PRKCA: variants seen among roughly 807,000 people sequenced by gnomAD.
The protein encoded by PRKCA is protein kinase C alpha, also known as protein kinase C alpha type.
PRKCA carries 27 observed loss-of-function variants against 87.0 expected under a neutral mutation model. That is an observed-to-expected ratio of 0.31 (90% confidence interval 0.23 to 0.43). PRKCA has a LOEUF of 0.43. Among genes scored for constraint, PRKCA ranks in the 20% least tolerant of loss-of-function variants. The pLI is 1.00. For missense variants in PRKCA, 518 were observed against 852.3 expected (o/e 0.61, Z 4.88); for synonymous variants, 329 against 311.1 (o/e 1.06, Z -0.61).
At chr17:66,450,229 A>T (rs1163627127) in intron 2 of PRKCA, among the ~76,000 whole-genome samples, 2 of 152,168 alleles carry the variant, frequency 1.3e-5, no homozygotes, top group Non-Finnish European at 2.9e-5. Context: ...ATCGGGGGCC[A>T]GCAGAGCCAA....
At chr17:66,796,304 G>A (rs1009368432) in intron 16 of PRKCA, 8 of 320,202 alleles carry the variant, frequency 2.5e-5, no homozygotes, top group South Asian at 2.5e-4. Flanking sequence ...CGTCTTTCAC[G>A]TAGCAATGTA....
At chr17:66,331,631 A>G (rs1906331943) in intron 2 of PRKCA, among the ~76,000 whole-genome samples, 1 of 152,148 alleles carries the variant, frequency 6.6e-6, no homozygotes, top group African/African-American at 2.4e-5. Flanking sequence ...AGGATCTCTC[A>G]TGGGCTTTTC....
intron 8 of PRKCA, among the ~76,000 whole-genome samples, chr17:66,727,835 C>T (rs562365065): frequency 1.3e-5 from 2 of 152,246 alleles, no homozygotes; most frequent in African/African-American, 2.4e-5. Context: ...TCAAGCCTCG[C>T]GCTGCATCTG....
intron 8 of PRKCA, among the ~76,000 whole-genome samples, chr17:66,727,680 T>C (rs1240351017): frequency 6.6e-6 from 1 of 152,170 alleles, no homozygotes; most frequent in Non-Finnish European, 1.5e-5. Context: ...TATTCCTGTT[T>C]GAGTTTTCTT....
chr17:66,450,178 T>C (rs991189734), intron 2 of PRKCA, among the ~76,000 whole-genome samples: 15 of 152,118 alleles, frequency 9.9e-5, no homozygotes, highest in African/African-American at 3.6e-4. Context: ...GGAATCATGC[T>C]GGGACCTCAA....
chr17:66,368,338 ATGTGTGTGTG>A (rs10580380), intron 2 of PRKCA, among the ~76,000 whole-genome samples: 1 of 106,886 alleles, frequency 9.4e-6, no homozygotes, highest in African/African-American at 3.6e-5. Flanking sequence ...GTGTGTATAT[ATGTGTGTGTG>A]TGTGTGTGTG....
intron 2 of PRKCA, among the ~76,000 whole-genome samples, chr17:66,318,158 A>G (rs1158701502): frequency 6.6e-6 from 1 of 152,192 alleles, no homozygotes; most frequent in Non-Finnish European, 1.5e-5. Context: ...TACTGAAGTG[A>G]CTTTTGTTGC....
intron 2 of PRKCA, among the ~76,000 whole-genome samples, chr17:66,440,022 A>G (rs910584435): frequency 6.6e-6 from 1 of 152,168 alleles, no homozygotes; most frequent in African/African-American, 2.4e-5. Context: ...TAATATATTC[A>G]TCCTAAATAA....
chr17:66,477,987 C>T (rs915359247), intron 2 of PRKCA, among the ~76,000 whole-genome samples: 11 of 152,320 alleles, frequency 7.2e-5, no homozygotes, highest in South Asian at 4.1e-4. Flanking sequence ...GTACCCGAAA[C>T]GTGTCTCAAT....
rs147167877 is a variant in PRKCA at position 66,724,202 on chromosome 17, A to G, written c.919-8486A>G. On this transcript the variant is annotated intron_variant, in intron 8 of 16. Transcript: ENST00000413366. ...GCCCAGCTACTTGGGAAGCTTAGGCAGGAGAATGGTGTGAACCCGGGAGGT... is the reference window on the plus strand; with the variant it reads ...GCCCAGCTACTTGGGAAGCTTAGGCGGGAGAATGGTGTGAACCCGGGAGGT... Among the ~76,000 whole-genome samples, 517 of 152,150 alleles carry G rather than the reference A, an allele frequency of 3.4e-3. 1 individual carries two copies. The highest frequency in any genetic ancestry group is 0.012 in the African/African-American group (479 of 41,518).
chr17:66,566,304 G>A (rs888565882), intron 3 of PRKCA, among the ~76,000 whole-genome samples: 5 of 151,964 alleles, frequency 3.3e-5, no homozygotes, highest in African/African-American at 4.8e-5. Flanking sequence ...TTTTTCTTTT[G>A]AGGTTTTATC....
At chr17:66,409,762 C>T (rs1179870558) in intron 2 of PRKCA, among the ~76,000 whole-genome samples, 1 of 152,072 alleles carries the variant, frequency 6.6e-6, no homozygotes, top group East Asian at 1.9e-4. Flanking sequence ...ACCCCGTCTC[C>T]ACTAAAAAGT....
intron 2 of PRKCA, among the ~76,000 whole-genome samples, chr17:66,410,189 T>C (rs1180279024): frequency 2.1e-5 from 3 of 144,242 alleles, no homozygotes; most frequent in African/African-American, 7.6e-5. Context: ...TTTAATTTTA[T>C]AGGTGATACC....
chr17:66,306,781 T>C (rs1159940724), intron 2 of PRKCA, among the ~76,000 whole-genome samples: 1 of 152,160 alleles, frequency 6.6e-6, no homozygotes, highest in Non-Finnish European at 1.5e-5. Flanking sequence ...ATCTAACTTT[T>C]TGTACTCTCC....
intron 8 of PRKCA, among the ~76,000 whole-genome samples, chr17:66,731,277 G>A (rs1261705385): frequency 6.6e-6 from 1 of 150,948 alleles, no homozygotes; most frequent in African/African-American, 2.5e-5. Flanking sequence ...CTGGGAGGCG[G>A]AGGTTGCAGT....
intron 3 of PRKCA, among the ~76,000 whole-genome samples, chr17:66,612,474 T>C (rs1308847994): frequency 1.3e-5 from 2 of 151,764 alleles, no homozygotes; most frequent in African/African-American, 4.8e-5. Context: ...TATAGTTCCA[T>C]GTAACCTAAT....
At chr17:66,586,128 G>T (rs1969589171) in intron 3 of PRKCA, among the ~76,000 whole-genome samples, 1 of 152,178 alleles carries the variant, frequency 6.6e-6, no homozygotes, top group African/African-American at 2.4e-5. Flanking sequence ...GGTTGTCATT[G>T]TCGTTGCTAT....
chr17:66,533,525 G>A (rs1311503548), intron 3 of PRKCA, among the ~76,000 whole-genome samples: 1 of 152,190 alleles, frequency 6.6e-6, no homozygotes, highest in East Asian at 1.9e-4. Context: ...GATTTATAAC[G>A]AATGCTGAAT....
intron 2 of PRKCA, among the ~76,000 whole-genome samples, chr17:66,409,167 G>A (rs955775164): frequency 1.3e-5 from 2 of 151,906 alleles, no homozygotes; most frequent in South Asian, 4.1e-4. Context: ...GCACTGTGAC[G>A]TCCACTCATG....
Sources: gnomAD v4.1 joint callset for allele counts (sites outside exome capture counted in the v4.1 genomes callset) on GRCh38, gnomAD v4.1.1 for gene constraint, MANE v1.5 for transcripts, NCBI Gene and HGNC (gene_info 2026-07-23, HGNC 2026-07-21) for gene names.